Variants in PRLR observed in about 807,000 individuals in gnomAD.
The protein encoded by PRLR is prolactin receptor.
Under a neutral mutation model 40.2 loss-of-function variants are expected in PRLR, and 13 were observed. The ratio of observed to expected loss-of-function variants is 0.32; its 90% CI spans 0.21 to 0.51. The LOEUF (loss-of-function observed/expected upper bound fraction) is 0.51. Among genes scored for constraint, PRLR ranks in the 20% least tolerant of loss-of-function variants. The pLI, the probability that PRLR is intolerant of heterozygous loss-of-function variation, is 0.97. For missense variants in PRLR, 656 were observed against 747.3 expected (o/e 0.88, Z 1.42); for synonymous variants, 269 against 278.7 (o/e 0.97, Z 0.35).
Position 35,063,525 on chromosome 5 carries a change from T to G in PRLR, c.*1564A>C, listed in dbSNP as rs1388178617. The G allele has an allele frequency of 2.6e-5, 4 of 152,154 alleles. No homozygotes were observed. Among genetic ancestry groups the G allele is most frequent in the African/African-American group, 7.2e-5 (3 of 41,426 alleles). The allele number at this position is 152,154 out of a possible 1,614,324, so 9.4% of individuals were successfully genotyped here. Reference sequence around the variant, plus strand: ...CCTGGCACTGGAATTGACCGGGAGATTCTCATTACCTTACTCTGACCTTTG... The same window carrying G: ...CCTGGCACTGGAATTGACCGGGAGAGTCTCATTACCTTACTCTGACCTTTG... On this transcript the variant is annotated 3_prime_UTR_variant, in exon 10 of 10. Coordinates refer to ENST00000618457, the MANE Select transcript of PRLR (RefSeq NM_000949.7).
In PRLR at chr5:35,068,241, T is replaced by C. The variant is rs762312974; in HGVS notation, c.830A>G (p.Lys277Arg). Residue 277 changes from lysine to arginine, a missense_variant, in exon 9 of 10, where the codon AAA becomes AGA. Transcript: ENST00000618457. ...IFPPVPGPKI[K>R]GFDAHLLEKG... is the part of the protein sequence containing the mutation. ...CTCCAACAGATGAGCATCAAATCCT[T>C]TTATTTTTGGCCCAGGAACTGGCGG... The C allele has an allele frequency of 6.2e-7, 1 of 1,613,392 alleles. No homozygotes were observed. The highest frequency in any genetic ancestry group is 1.7e-5 in the Admixed American group (1 of 60,014).
intron 1 of PRLR, among the ~76,000 whole-genome samples, chr5:35,212,563 T>A (rs1776197021): frequency 6.6e-6 from 1 of 152,128 alleles, no homozygotes. Flanking sequence ...TTCCCTTTTT[T>A]CCCCCCAGTG....
At chr5:35,207,649 G>T (rs1005726937) in intron 1 of PRLR, among the ~76,000 whole-genome samples, 2 of 140,022 alleles carry the variant, frequency 1.4e-5, no homozygotes, top group Non-Finnish European at 3.2e-5. Flanking sequence ...TGTGTATAGA[G>T]AAGTCATGTA....
intron 1 of PRLR, among the ~76,000 whole-genome samples, chr5:35,153,750 A>ACACACACTG (rs1774406576): frequency 6.7e-6 from 1 of 150,018 alleles, no homozygotes; most frequent in Admixed American, 6.6e-5. Flanking sequence ...TGCACACACT[A>ACACACACTG]CACACACTAC....
chr5:35,106,541 G>T (rs2111598278), intron 2 of PRLR, among the ~76,000 whole-genome samples: 1 of 152,210 alleles, frequency 6.6e-6, no homozygotes, highest in Middle Eastern at 3.4e-3. Context: ...GATCTACCAA[G>T]CAAATGGAAA....
chr5:35,175,959 T>C (rs1262780493), intron 1 of PRLR, among the ~76,000 whole-genome samples: 1 of 152,242 alleles, frequency 6.6e-6, no homozygotes, highest in Non-Finnish European at 1.5e-5. Flanking sequence ...TTTGGTGGTA[T>C]ATTCTTTGAG....
chr5:35,089,138 T>C (rs1771049033), intron 3 of PRLR, among the ~76,000 whole-genome samples: 1 of 152,208 alleles, frequency 6.6e-6, no homozygotes, highest in South Asian at 2.1e-4. Flanking sequence ...TATATCCCAT[T>C]ATGGTTTTTT....
At chr5:35,207,905 A>G (rs993655491) in intron 1 of PRLR, among the ~76,000 whole-genome samples, 24 of 152,266 alleles carry the variant, frequency 1.6e-4, no homozygotes, top group African/African-American at 5.5e-4. Flanking sequence ...ACCAGTTTAG[A>G]CGTTTCATTA....
chr5:35,225,878 C>T (rs1776534561), intron 1 of PRLR, among the ~76,000 whole-genome samples: 1 of 152,198 alleles, frequency 6.6e-6, no homozygotes, highest in Admixed American at 6.5e-5. Context: ...GACGGGGTTT[C>T]ACCGTGTTCC....
At chr5:35,216,622 C>T (rs962566436) in intron 1 of PRLR, among the ~76,000 whole-genome samples, 31 of 152,180 alleles carry the variant, frequency 2.0e-4, no homozygotes, top group Non-Finnish European at 4.1e-4. Flanking sequence ...CATAGGTCAA[C>T]ACCAAAGACA....
intron 1 of PRLR, chr5:35,195,437 C>G (rs72734563): frequency 0.099 from 15,069 of 152,316 alleles, 968 homozygotes; most frequent in Non-Finnish European, 0.13. Flanking sequence ...TTTTTACCAC[C>G]ACTGATGCCC....
chr5:35,107,404 C>T (rs1017934841), intron 2 of PRLR, among the ~76,000 whole-genome samples: 3 of 151,776 alleles, frequency 2.0e-5, no homozygotes, highest in African/African-American at 7.3e-5. Context: ...GATAGAAACA[C>T]AAAAAGCTCT....
chr5:35,204,717 C>T (rs1411211033), intron 1 of PRLR, among the ~76,000 whole-genome samples: 2 of 152,152 alleles, frequency 1.3e-5, no homozygotes, highest in Non-Finnish European at 2.9e-5. Context: ...CAGCCTTACA[C>T]ATGACAATGC....
At chr5:35,119,047 G>T (rs185023338) in intron 1 of PRLR, among the ~76,000 whole-genome samples, 1 of 152,024 alleles carries the variant, frequency 6.6e-6, no homozygotes, top group Admixed American at 6.6e-5. Context: ...TGCCTGCCTC[G>T]TACTCCCAAA....
intron 2 of PRLR, among the ~76,000 whole-genome samples, chr5:35,102,762 C>G (rs1452745433): frequency 6.6e-6 from 1 of 152,220 alleles, no homozygotes; most frequent in East Asian, 1.9e-4. Flanking sequence ...AGGCTGGTCT[C>G]GAACTCCTGA....
At chr5:35,107,747 C>CA (rs1397641999) in intron 2 of PRLR, among the ~76,000 whole-genome samples, 1 of 151,872 alleles carries the variant, frequency 6.6e-6, no homozygotes, top group African/African-American at 2.4e-5. Context: ...GCCTACCAAG[C>CA]AAAAAAAGTC....
chr5:35,103,944 A>G (rs1020126303), intron 2 of PRLR, among the ~76,000 whole-genome samples: 2 of 151,772 alleles, frequency 1.3e-5, no homozygotes, highest in Non-Finnish European at 2.9e-5. Context: ...CTATTATAAT[A>G]TTTTCCTTTT....
At chr5:35,090,547 G>A (rs1368665726) in intron 2 of PRLR, among the ~76,000 whole-genome samples, 2 of 152,012 alleles carry the variant, frequency 1.3e-5, no homozygotes, top group Middle Eastern at 3.4e-3. Flanking sequence ...AGAAATGCAC[G>A]GCCTAAATTT....
At chr5:35,209,921 C>T (rs938203148) in intron 1 of PRLR, among the ~76,000 whole-genome samples, 1 of 152,158 alleles carries the variant, frequency 6.6e-6, no homozygotes, top group African/African-American at 2.4e-5. Flanking sequence ...CTGAGTGGTT[C>T]TTTTAAAAAC....
Sources: allele counts gnomAD v4.1 joint callset (sites outside exome capture counted in the v4.1 genomes callset), GRCh38; gene constraint gnomAD v4.1.1; transcripts MANE v1.5; gene names NCBI Gene and HGNC (gene_info 2026-07-23, HGNC 2026-07-21).